Variants in SCMH1 observed in about 807,000 individuals in gnomAD.
The protein encoded by SCMH1 is polycomb protein SCMH1.
A neutral mutation model predicts 70.8 loss-of-function variants in SCMH1; 37 were observed. The ratio of observed to expected loss-of-function variants is 0.52; its 90% confidence interval spans 0.40 to 0.69. The LOEUF (loss-of-function observed/expected upper bound fraction) is 0.69, where lower values mean the gene tolerates loss of function less well. Among genes scored for constraint, SCMH1 ranks in the 30% least tolerant of loss-of-function variants. The probability of loss-of-function intolerance (pLI) is 0.00; values close to 1 mark genes in which losing one functional copy is unlikely to be tolerated. For missense variants in SCMH1, 607 were observed against 827.3 expected (o/e 0.73, Z 3.27); for synonymous variants, 292 against 307.4 (o/e 0.95, Z 0.52).
intron 3 of SCMH1, 87 bp from the exon 4 acceptor site, chr1:41,160,985 A>T: frequency 7.7e-7 from 1 of 1,293,082 alleles, no homozygotes; most frequent in Admixed American, 2.0e-5. Flanking sequence ...TAAAATAGGA[A>T]ATCGAGTATT....
intron 4 of SCMH1, chr1:41,152,618 G>A (rs1645166431): frequency 6.2e-7 from 1 of 1,614,018 alleles, no homozygotes; most frequent in Non-Finnish European, 8.5e-7. Context: ...ACCCCATGAT[G>A]GAGCAGGGAA....
chr1:41,200,005 G>GT (rs1175409153), intron 1 of SCMH1, among the ~76,000 whole-genome samples: 1 of 152,200 alleles, frequency 6.6e-6, no homozygotes, highest in African/African-American at 2.4e-5. Flanking sequence ...TATACAGTGT[G>GT]TATGTACAGA....
intron 6 of SCMH1, among the ~76,000 whole-genome samples, chr1:41,126,976 C>T (rs962788998): frequency 3.9e-5 from 6 of 152,114 alleles, no homozygotes; most frequent in Admixed American, 3.9e-4. Flanking sequence ...ATGTACCATT[C>T]TGCATGTCCC....
chr1:41,103,388 C>T (rs529321538), intron 8 of SCMH1, among the ~76,000 whole-genome samples: 20 of 152,244 alleles, frequency 1.3e-4, no homozygotes, highest in African/African-American at 4.3e-4. Flanking sequence ...GTGATCCATT[C>T]GCCTTGGCCT....
At chr1:41,208,508 C>T (rs1656194416) in intron 1 of SCMH1, among the ~76,000 whole-genome samples, 1 of 151,280 alleles carries the variant, frequency 6.6e-6, no homozygotes, top group South Asian at 2.1e-4. Flanking sequence ...TGTAAAAGAA[C>T]AGAAATCACA....
At chr1:41,130,720 T>A (rs1297798239) in intron 6 of SCMH1, among the ~76,000 whole-genome samples, 1 of 152,160 alleles carries the variant, frequency 6.6e-6, no homozygotes, top group African/African-American at 2.4e-5. Flanking sequence ...TGTGCAAACA[T>A]CACTTTATCT....
intron 5 of SCMH1, among the ~76,000 whole-genome samples, chr1:41,145,840 T>TA (rs1161754691): frequency 6.6e-6 from 1 of 152,144 alleles, no homozygotes; most frequent in African/African-American, 2.4e-5. Flanking sequence ...GATGCTGGTG[T>TA]AAAAAAACCT....
chr1:41,093,526 TAA>T (rs989728950), intron 8 of SCMH1, among the ~76,000 whole-genome samples: 1 of 152,092 alleles, frequency 6.6e-6, no homozygotes, highest in Non-Finnish European at 1.5e-5. Context: ...ATAATAATAA[TAA>T]AAAAAGTTAA....
At chr1:41,114,661 T>TTCTCTCTCTCTCTC (rs61013208) in intron 7 of SCMH1, among the ~76,000 whole-genome samples, 96 of 148,272 alleles carry the variant, frequency 6.5e-4, no homozygotes, top group African/African-American at 1.6e-3. Flanking sequence ...AAGATTTCCT[T>TTCTCTCTCTCTCTC]TCTCTCTCTC....
At chr1:41,034,702 G>A (rs150133063) in intron 13 of SCMH1, among the ~76,000 whole-genome samples, 19 of 152,132 alleles carry the variant, frequency 1.2e-4, no homozygotes, top group African/African-American at 4.6e-4. Flanking sequence ...TGCGTCCCTG[G>A]GCTGGAGGAG....
At chr1:41,218,978 T>A (rs1468310256) in intron 1 of SCMH1, among the ~76,000 whole-genome samples, 1 of 152,326 alleles carries the variant, frequency 6.6e-6, no homozygotes, top group Middle Eastern at 3.4e-3. Context: ...TGGTTCAATA[T>A]GTGGGCTAGT....
intron 13 of SCMH1, 42 bp downstream of exon 14, chr1:41,033,940 AG>A (rs1373086823): frequency 6.2e-7 from 1 of 1,612,856 alleles, no homozygotes; most frequent in African/African-American, 1.3e-5. Flanking sequence ...TCTCAGAAAC[AG>A]GGCCTTGGGG....
At chr1:41,043,065 T>C (rs1646417513) in intron 12 of SCMH1, 1 of 152,146 alleles carries the variant, frequency 6.6e-6, no homozygotes, top group Non-Finnish European at 1.5e-5. Flanking sequence ...TAATATGAAC[T>C]ACATAATAGC....
At chr1:41,232,950 T>G (rs1413977958) in intron 1 of SCMH1, among the ~76,000 whole-genome samples, 1 of 152,210 alleles carries the variant, frequency 6.6e-6, no homozygotes, top group Non-Finnish European at 1.5e-5. Context: ...CCTCAAATGT[T>G]TGATGATTCT....
chr1:41,135,138 A>ATG (rs1465766485), intron 6 of SCMH1, among the ~76,000 whole-genome samples: 1 of 152,146 alleles, frequency 6.6e-6, no homozygotes, highest in Non-Finnish European at 1.5e-5. Flanking sequence ...ATACATCTGC[A>ATG]TGTGTGTGTG....
intron 8 of SCMH1, among the ~76,000 whole-genome samples, chr1:41,106,016 A>G (rs1005468568): frequency 2.0e-5 from 3 of 151,506 alleles, no homozygotes; most frequent in Non-Finnish European, 2.9e-5. Context: ...CTGTGATTAC[A>G]GGTGCACGCC....
intron 8 of SCMH1, among the ~76,000 whole-genome samples, chr1:41,109,321 GA>G (rs3216615): frequency 0.019 from 2,856 of 152,248 alleles, 89 homozygotes; most frequent in East Asian, 0.1. Flanking sequence ...CCATGAGCAG[GA>G]AACATTATCT....
chr1:41,148,646 T>A (rs1263121374), intron 5 of SCMH1, among the ~76,000 whole-genome samples: 1 of 152,140 alleles, frequency 6.6e-6, no homozygotes, highest in Admixed American at 6.5e-5. Flanking sequence ...ATATATAAAG[T>A]GTCTTTTTTC....
chr1:41,063,581 ACAAAAAAAC>A (rs1653557879), intron 10 of SCMH1, among the ~76,000 whole-genome samples: 1 of 151,872 alleles, frequency 6.6e-6, no homozygotes, highest in Admixed American at 6.6e-5. Flanking sequence ...AAACAAACAA[ACAAAAAAAC>A]AAAACAAACA....
Sources: allele counts gnomAD v4.1 joint callset (sites outside exome capture counted in the v4.1 genomes callset), GRCh38; gene constraint gnomAD v4.1.1; transcripts MANE v1.5; gene names NCBI Gene and HGNC (gene_info 2026-07-23, HGNC 2026-07-21).